DST: variants seen among roughly 807,000 people sequenced by gnomAD.
DST encodes the protein bullous pemphigoid antigen.
A neutral mutation model predicts 875.2 loss-of-function variants in DST; 253 were observed. That is an observed-to-expected ratio of 0.29 (90% CI 0.26 to 0.32). The LOEUF is 0.32. DST is among the 10% of genes least tolerant of loss of function. DST has a pLI of 1.00. For synonymous variants in DST, 3,124 were observed against 3,197.1 expected (o/e 0.98, Z 0.77); for missense variants, 8,287 against 9,111.6 (o/e 0.91, Z 3.68).
At chr6:56,662,491 T>C (rs998910476) in intron 10 of DST, among the ~76,000 whole-genome samples, 1 of 152,210 alleles carries the variant, frequency 6.6e-6, no homozygotes, top group African/African-American at 2.4e-5. Context: ...TGGTAACAAG[T>C]GCCTGCTGTA....
chr6:56,526,066 G>A (rs1183430806), intron 69 of DST, among the ~76,000 whole-genome samples: 3 of 152,210 alleles, frequency 2.0e-5, no homozygotes, highest in African/African-American at 7.2e-5. Context: ...ATATGCATAT[G>A]TGTAGACAAA....
chr6:56,549,608 T>C (rs1458659767), intron 61 of DST, among the ~76,000 whole-genome samples: 1 of 152,182 alleles, frequency 6.6e-6, no homozygotes, highest in African/African-American at 2.4e-5. Flanking sequence ...ATCTCCACCA[T>C]CAACATCATC....
chr6:56,598,702 T>C lies in DST; in HGVS notation c.11702A>G (p.Gln3901Arg), dbSNP rs755668737. 1.1e-5 allele frequency: 18 copies of C among 1,568,638 alleles called. No individual in the cohort carries two copies. The highest frequency in any genetic ancestry group is 5.2e-6 in the Non-Finnish European group (6 of 1,158,898). The change falls in exon 46 of 104, where the codon CAG becomes CGG. Residue 3901 changes from glutamine to arginine, a missense_variant. This residue lies in a region of DST where 3,138 missense variants were observed against 3,116.6 expected (regional missense o/e 1.01). Coordinates refer to ENST00000680361, the MANE Select transcript of DST (RefSeq NM_001374736.1). ...KKYQSKQEEL[Q>R]KDMQGSAQAL... Reference sequence around the variant, plus strand: ...CTGTGCACTTCCTTGCATATCTTTCTGTAATTCCTTATAACACAAAAGGAA... The same window carrying C: ...CTGTGCACTTCCTTGCATATCTTTCCGTAATTCCTTATAACACAAAAGGAA...
At chr6:56,753,807 G>A (rs766105054) in intron 4 of DST, among the ~76,000 whole-genome samples, 3 of 152,174 alleles carry the variant, frequency 2.0e-5, no homozygotes, top group Admixed American at 6.5e-5. Flanking sequence ...GTAAGCACAA[G>A]TTAACAAAAT....
chr6:56,584,669 G>C (rs1480754375), intron 49 of DST, among the ~76,000 whole-genome samples: 2 of 151,860 alleles, frequency 1.3e-5, no homozygotes, highest in African/African-American at 4.9e-5. Flanking sequence ...CCTGTCTTGT[G>C]CCAGTTTTCA....
intron 93 of DST, among the ~76,000 whole-genome samples, chr6:56,473,401 G>A (rs1446327218): frequency 6.6e-6 from 1 of 152,154 alleles, no homozygotes; most frequent in Non-Finnish European, 1.5e-5. Context: ...GTCATGTCAT[G>A]TTGTTAAAGT....
chr6:56,530,142 G>A lies in DST; in HGVS notation c.17109-9C>T, dbSNP rs771973757. ...CTTCCAACTGACGATTCCTACAAAT[G>A]TGCCAAAAGGTCATTTAGGGATGAA... On this transcript the variant is annotated splice_polypyrimidine_tract_variant and intron_variant, in intron 64 of 103. Coordinates refer to ENST00000680361, the MANE Select transcript of DST (RefSeq NM_001374736.1). 19 of 1,564,072 alleles carry A rather than the reference G, an allele frequency of 1.2e-5. No individual in the cohort carries two copies. The highest frequency in any genetic ancestry group is 1.4e-5 in the Non-Finnish European group (16 of 1,158,516).
chr6:56,573,120 C>A, intron 51 of DST, 56 bp from the exon 52 acceptor site: 1 of 1,400,630 alleles, frequency 7.1e-7, no homozygotes, highest in Non-Finnish European at 9.5e-7. Flanking sequence ...AATAATGTGA[C>A]AGAATTTTTT....
chr6:56,482,559 A>G lies in DST; in HGVS notation c.21402+124T>C, dbSNP rs1235841019. On this transcript the variant is annotated intron_variant, in intron 89 of 103. Transcript: ENST00000680361. Reference sequence around the variant, plus strand: ...AGGATCAAGGCAATGTTGCTATTAGAATTTCCTTCTTCAGACTGTCCTGAT... The same window carrying G: ...AGGATCAAGGCAATGTTGCTATTAGGATTTCCTTCTTCAGACTGTCCTGAT... The G allele has an allele frequency of 5.4e-6, 5 of 922,162 alleles. No individual in the cohort carries two copies. The African/African-American group carries it at 8.3e-5, about 15-fold the overall frequency. The allele number at this position is 922,162 out of a possible 1,614,324, so 57.1% of individuals were successfully genotyped here. A position where few individuals can be genotyped will look rare whatever the true frequency, so the allele number is the denominator to read the frequency against.
At position 56,645,967 on chromosome 6, in the gene DST, C is replaced by T. The variant is rs752311823; in HGVS notation, c.1677G>A (p.Lys559=). 2.5e-6 allele frequency: 4 copies of T among 1,613,264 alleles called. No homozygotes were observed. Among genetic ancestry groups the T allele is most frequent in the South Asian group, 1.1e-5 (1 of 90,880 alleles). ...LEIWIEFGRI[K]LLQGYHPNDI... is the part of the protein sequence containing the mutation. ...CATTTGGATGATAACCTTGAAGGAG[C>T]TTGATGCGTCCAAATTCTATCCAAA... is the stretch of plus-strand genomic sequence containing the variant. The change falls in exon 15 of 104, where the codon AAG becomes AAA. Residue 559 remains lysine (K), a synonymous_variant. Transcript: ENST00000680361.
chr6:56,788,587 A>C (rs1205554849), intron 4 of DST, among the ~76,000 whole-genome samples: 1 of 152,216 alleles, frequency 6.6e-6, no homozygotes, highest in Non-Finnish European at 1.5e-5. Context: ...AGCACAAGAG[A>C]AATATTTTGT....
rs183276585 is a variant in DST, at chr6:56,572,343, G to A, written c.13555-77C>T. On this transcript the variant is annotated intron_variant, in intron 52 of 103. Coordinates refer to ENST00000680361, the MANE Select transcript of DST (RefSeq NM_001374736.1). ...TGGCATTCCATCCAGAGGTCTGTGCGGGATCAGAATGGCTCTATTCATAAT... is the reference window on the plus strand; with the variant it reads ...TGGCATTCCATCCAGAGGTCTGTGCAGGATCAGAATGGCTCTATTCATAAT... 4.2e-4 allele frequency: 425 copies of A among 1,015,772 alleles called. 2 individuals are homozygous for A. The highest frequency in any genetic ancestry group is 5.6e-5 in the Non-Finnish European group (41 of 727,924). The allele number at this position is 1,015,772 out of a possible 1,614,324, so 62.9% of individuals were successfully genotyped here.
Position 56,607,528 on chromosome 6 carries a change from G to C in DST, c.7100C>G (p.Thr2367Arg), listed in dbSNP as rs372340626. 2 of 1,603,398 alleles carry C rather than the reference G, an allele frequency of 1.2e-6. No individual in the cohort carries two copies. Among genetic ancestry groups the C allele is most frequent in the Non-Finnish European group, 8.5e-7 (1 of 1,174,028 alleles). ...MLRSDSENIL[T>R]NYENQSRVET... ...CACTCGGCTTTGATTTTCATAGTTT[G>C]TAAGTATGTTTTCAGAGTCACTTCT... is the stretch of plus-strand genomic sequence containing the variant. The change falls in exon 40 of 104, where the codon ACA (threonine) becomes AGA (arginine). Residue 2367 changes from threonine (T) to arginine (R), a missense_variant. Thr to Arg is a moderately conservative substitution (Grantham distance 71). Coordinates refer to ENST00000680361, the MANE Select transcript of DST (RefSeq NM_001374736.1).
chr6:56,659,901 T>C (rs927822128), intron 10 of DST, among the ~76,000 whole-genome samples: 2 of 152,054 alleles, frequency 1.3e-5, no homozygotes, highest in African/African-American at 4.8e-5. Context: ...GGGGACAGGC[T>C]TTGGGTAGGT....
Position 56,459,207 on chromosome 6 carries a change from G to A in DST, c.23255C>T (p.Ala7752Val). The A allele has an allele frequency of 6.2e-7, 1 of 1,613,634 alleles. No homozygotes were observed. Among genetic ancestry groups the A allele is most frequent in the Non-Finnish European group, 8.5e-7 (1 of 1,179,724 alleles). ...SRAGSKAGSR[A>V]SSRRGSDASD... ...TGCATCACTGCCTCGGCGGCTGCTG[G>A]CCCTGCTGCCAGCTTTGCTTCCAGC... The change falls in exon 104 of 104, where the codon GCC becomes GTC. Residue 7752 changes from alanine (A) to valine (V), a missense_variant. Transcript: ENST00000680361.
chr6:56,570,275 C>T (rs1447700340), intron 53 of DST, among the ~76,000 whole-genome samples: 3 of 152,050 alleles, frequency 2.0e-5, no homozygotes, highest in African/African-American at 7.2e-5. Context: ...AAATGCATTA[C>T]ATTTATTGTG....
At chr6:56,618,015 C>T in intron 36 of DST, 2 of 1,614,102 alleles carry the variant, frequency 1.2e-6, no homozygotes, top group Non-Finnish European at 1.7e-6. Context: ...TTCACCAGTT[C>T]CATTTCACAT....
chr6:56,873,120 C>T (rs1221413833), intron 3 of DST, among the ~76,000 whole-genome samples: 1 of 152,070 alleles, frequency 6.6e-6, no homozygotes, highest in Non-Finnish European at 1.5e-5. Context: ...TTTCATATAC[C>T]TGTTCGTCAT....
intron 3 of DST, among the ~76,000 whole-genome samples, chr6:56,875,170 GA>G (rs892125371): frequency 2.0e-5 from 3 of 152,074 alleles, no homozygotes; most frequent in Non-Finnish European, 4.4e-5. Context: ...ATTTTTAATA[GA>G]GACGGGGTTT....
Sources: allele counts gnomAD v4.1 joint callset (sites outside exome capture counted in the v4.1 genomes callset), GRCh38; gene constraint gnomAD v4.1.1; regional missense constraint gnomAD v4.1.1; transcripts MANE v1.5; gene names NCBI Gene and HGNC (gene_info 2026-07-23, HGNC 2026-07-21).